The following ERBB4 variants were observed in gnomAD, a reference collection of about 807,000 sequenced individuals.
ERBB4 encodes the protein receptor tyrosine-protein kinase erbB-4.
In ERBB4, 42 loss-of-function variants were observed where a neutral mutation model predicts 158.0. The ratio of observed to expected loss-of-function variants is 0.27; its 90% confidence interval spans 0.21 to 0.34. The LOEUF is 0.34. Among genes scored for constraint, ERBB4 ranks in the 10% least tolerant of loss-of-function variants. The pLI is 1.00. For missense variants in ERBB4, 1,333 were observed against 1,624.1 expected (o/e 0.82, Z 3.08); for synonymous variants, 583 against 558.7 (o/e 1.04, Z -0.61).
At chr2:212,053,174 G>A (rs1033303460) in intron 2 of ERBB4, among the ~76,000 whole-genome samples, 6 of 152,068 alleles carry the variant, frequency 3.9e-5, no homozygotes, top group East Asian at 3.9e-4. Context: ...GAGTGAGGCC[G>A]TGTCTCAATC....
At chr2:211,721,586 T>C (rs547735067) in intron 7 of ERBB4, among the ~76,000 whole-genome samples, 17 of 147,572 alleles carry the variant, frequency 1.2e-4, no homozygotes, top group Admixed American at 5.4e-4. Flanking sequence ...TTTATATATA[T>C]ACATGTTTTA....
chr2:211,592,132 A>C (rs891732378), intron 19 of ERBB4, among the ~76,000 whole-genome samples: 1 of 152,204 alleles, frequency 6.6e-6, no homozygotes, highest in African/African-American at 2.4e-5. Context: ...GGAAGTAAAC[A>C]GTTCCAGATG....
intron 2 of ERBB4, among the ~76,000 whole-genome samples, chr2:212,045,108 C>T (rs1181193812): frequency 6.6e-6 from 1 of 152,166 alleles, no homozygotes; most frequent in Non-Finnish European, 1.5e-5. Context: ...TAATTGTCTT[C>T]TCAACTTGAC....
At chr2:211,469,445 T>G (rs143148787) in intron 20 of ERBB4, among the ~76,000 whole-genome samples, 229 of 152,262 alleles carry the variant, frequency 1.5e-3, no homozygotes, top group African/African-American at 5.1e-3. Context: ...ACATGAGATA[T>G]GCATGTTTAT....
At chr2:211,802,330 C>T (rs2076519278) in intron 3 of ERBB4, among the ~76,000 whole-genome samples, 1 of 151,904 alleles carries the variant, frequency 6.6e-6, no homozygotes, top group African/African-American at 2.4e-5. Context: ...CCAATAGTGT[C>T]CTCAGTTCTA....
At chr2:212,386,729 T>G (rs1000068188) in intron 1 of ERBB4, among the ~76,000 whole-genome samples, 1 of 151,990 alleles carries the variant, frequency 6.6e-6, no homozygotes, top group Non-Finnish European at 1.5e-5. Flanking sequence ...TTCCTCTACC[T>G]GGAATAAGCT....
At position 212,538,573 on chromosome 2, in the gene ERBB4, A is replaced by C; in HGVS notation, c.-43T>G. 1 of 1,564,488 alleles carries C rather than the reference A, an allele frequency of 6.4e-7. No individual in the cohort carries two copies. The highest frequency in any genetic ancestry group is 8.8e-7 in the Non-Finnish European group (1 of 1,134,678). Reference sequence around the variant, plus strand: ...TCCCGTGCTGACAATTACATGTCCAAATGGCATATCCCCCTTTCGGGCACG... The same window carrying C: ...TCCCGTGCTGACAATTACATGTCCACATGGCATATCCCCCTTTCGGGCACG... On this transcript the variant is annotated 5_prime_UTR_variant, in exon 1 of 28. It adds an upstream start codon to the 5' untranslated region. Coordinates refer to ENST00000342788, the MANE Select transcript of ERBB4 (RefSeq NM_005235.3).
At chr2:211,701,063 G>C (rs1034434215) in intron 12 of ERBB4, among the ~76,000 whole-genome samples, 2 of 152,130 alleles carry the variant, frequency 1.3e-5, no homozygotes, top group East Asian at 3.9e-4. Context: ...ATAGTCATGT[G>C]CCTACAAAAG....
intron 1 of ERBB4, among the ~76,000 whole-genome samples, chr2:212,239,137 G>A (rs193286195): frequency 6.6e-5 from 10 of 152,254 alleles, no homozygotes; most frequent in Admixed American, 2.0e-4. Context: ...CACTGTAGCC[G>A]CAAACTCCTG....
At chr2:211,617,876 T>C (rs1219527473) in intron 19 of ERBB4, among the ~76,000 whole-genome samples, 2 of 152,090 alleles carry the variant, frequency 1.3e-5, no homozygotes, top group Admixed American at 6.6e-5. Context: ...CAAGACATTA[T>C]GCTAAAAGAT....
intron 15 of ERBB4, among the ~76,000 whole-genome samples, chr2:211,658,659 G>C (rs1307034334): frequency 6.6e-6 from 1 of 151,820 alleles, no homozygotes; most frequent in African/African-American, 2.4e-5. Context: ...TGCCATAACA[G>C]GTAAACAAAA....
chr2:211,937,436 C>G (rs544853379), intron 3 of ERBB4, among the ~76,000 whole-genome samples: 16 of 152,208 alleles, frequency 1.1e-4, no homozygotes, highest in African/African-American at 3.6e-4. Context: ...CTTCTATTAA[C>G]ACTTACTTCT....
intron 25 of ERBB4, among the ~76,000 whole-genome samples, chr2:211,413,916 G>GAGAT (rs1172561862): frequency 6.6e-6 from 1 of 151,654 alleles, no homozygotes; most frequent in East Asian, 1.9e-4. Flanking sequence ...CACCACACAC[G>GAGAT]AGATAAAGAG....
intron 3 of ERBB4, among the ~76,000 whole-genome samples, chr2:211,937,810 T>A (rs765123900): frequency 6.6e-6 from 1 of 152,126 alleles, no homozygotes; most frequent in African/African-American, 2.4e-5. Context: ...TTACGGGAAC[T>A]ACAAATTCAA....
intron 1 of ERBB4, among the ~76,000 whole-genome samples, chr2:212,431,306 TAAAAAAA>T (rs35419362): frequency 4.6e-5 from 4 of 86,886 alleles, no homozygotes; most frequent in African/African-American, 1.3e-4. Flanking sequence ...CTGCTCATAT[TAAAAAAA>T]AAAAAAAAAA....
chr2:212,501,440 C>T (rs566313083), intron 1 of ERBB4, among the ~76,000 whole-genome samples: 1 of 152,234 alleles, frequency 6.6e-6, no homozygotes, highest in Admixed American at 6.5e-5. Flanking sequence ...TATTAAGACA[C>T]TGGATAAGTC....
chr2:211,987,341 A>AAAAG (rs1553526815), intron 2 of ERBB4, among the ~76,000 whole-genome samples: 2 of 124,414 alleles, frequency 1.6e-5, no homozygotes, highest in African/African-American at 2.8e-5. Context: ...AAAAAAAAAA[A>AAAAG]AAAGAAAGAA....
Position 211,548,026 on chromosome 2 carries a change from C to T in ERBB4, c.2487+13877G>A, listed in dbSNP as rs1163056621. Among the ~76,000 whole-genome samples the T allele has an allele frequency of 2.6e-5, 4 of 152,204 alleles. No homozygotes were observed. The East Asian group carries it at 7.7e-4, about 29-fold the overall frequency. ...CTCTAAGTGAGAAACCTTCATATTT[C>T]ATGCAAACTCCAGGAAATAATTAAG... On this transcript the variant is annotated intron_variant, in intron 20 of 27. Coordinates refer to ENST00000342788, the MANE Select transcript of ERBB4 (RefSeq NM_005235.3).
intron 1 of ERBB4, among the ~76,000 whole-genome samples, chr2:212,350,815 A>AC (rs1475486139): frequency 1.3e-5 from 2 of 151,896 alleles, no homozygotes; most frequent in East Asian, 3.9e-4. Context: ...AATAATAAAA[A>AC]AAATGCACAT....
Sources: gnomAD v4.1 joint callset for allele counts (sites outside exome capture counted in the v4.1 genomes callset) on GRCh38, gnomAD v4.1.1 for gene constraint, MANE v1.5 for transcripts, NCBI Gene and HGNC (gene_info 2026-07-23, HGNC 2026-07-21) for gene names.